The following RASGEF1C variants were observed in gnomAD, a reference collection of about 807,000 sequenced individuals.
The protein encoded by RASGEF1C is RasGEF domain family member 1C, also known as ras-GEF domain-containing family member 1C.
In RASGEF1C, 27 loss-of-function variants were observed where a neutral mutation model predicts 58.1. The observed-to-expected ratio is 0.46, with a 90% CI of 0.34 to 0.64. The LOEUF (loss-of-function observed/expected upper bound fraction) is 0.64, where lower values mean the gene tolerates loss of function less well. Among genes scored for constraint, RASGEF1C ranks in the 30% least tolerant of loss-of-function variants. RASGEF1C has a pLI of 0.01. For missense variants in RASGEF1C, 502 were observed against 605.1 expected (o/e 0.83, Z 1.79); for synonymous variants, 243 against 246.3 (o/e 0.99, Z 0.13).
intron 7 of RASGEF1C, 51 bp downstream of exon 7, chr5:180,121,009 C>T: frequency 1.4e-6 from 2 of 1,403,958 alleles, no homozygotes; most frequent in Non-Finnish European, 2.0e-6. Context: ...CCTCCCAACT[C>T]CGGCCGCCTG....
chr5:180,114,435 G>A lies in RASGEF1C; in HGVS notation c.1179+11C>T, dbSNP rs760354044. ...TGTCTACCTCAGTGGCGGTCCACAC[G>A]GAGGTCCTACCTCAAAGTTGACGTG... On this transcript the variant is annotated intron_variant, in intron 11 of 13. Transcript: ENST00000361132. 1.9e-5 allele frequency: 30 copies of A among 1,610,452 alleles called. No homozygotes were observed. Among genetic ancestry groups the A allele is most frequent in the Admixed American group, 1.0e-4 (6 of 59,860 alleles).
intron 1 of RASGEF1C, among the ~76,000 whole-genome samples, chr5:180,184,409 T>A (rs1224436992): frequency 6.6e-6 from 1 of 151,914 alleles, no homozygotes; most frequent in African/African-American, 2.4e-5. Context: ...ATCTTGTCTC[T>A]ACTAAAAAAA....
chr5:180,138,075 CAGTGAGGACCTG>C lies in RASGEF1C; in HGVS notation c.-6-29_-6-18del, dbSNP rs1766517675. ...CATGTCTGCCTGCAATGGCAAGGAG[CAGTGAGGACCTG>C]AGTGGGGGCACACCTGAGTTGGGTG... On this transcript the variant is annotated intron_variant, in intron 1 of 13. Transcript: ENST00000361132. 1.4e-6 allele frequency: 2 copies of C among 1,431,256 alleles called. No individual in the cohort carries two copies. Among genetic ancestry groups the C allele is most frequent in the African/African-American group, 2.9e-5 (2 of 68,586 alleles). 88.7% of individuals were successfully genotyped at this position (1,431,256 alleles called of 1,614,324 possible). A position where few individuals can be genotyped will look rare whatever the true frequency, so the allele number is the denominator to read the frequency against.
chr5:180,121,556 G>A lies in RASGEF1C; in HGVS notation c.715-407C>T, dbSNP rs183430260. ...TCTCCATCTCCTGACCTCGTGATCC[G>A]CCCACCTCGGCCTCCAAAAGTGCTG... On this transcript the variant is annotated intron_variant, in intron 6 of 13. Transcript: ENST00000361132. Among the ~76,000 whole-genome samples the A allele has an allele frequency of 8.9e-3, 1,355 of 151,730 alleles. 18 individuals are homozygous for A. The highest frequency in any genetic ancestry group is 0.031 in the African/African-American group (1,290 of 41,296).
rs1221799038 is a variant in RASGEF1C, at chr5:180,187,596, C to T, written c.-7+21432G>A. Reference sequence around the variant, plus strand: ...ATGGAAAGATATTCACAAATTTATACACCTGTAAGAGTCTAGTATTCTGAA... The same window carrying T: ...ATGGAAAGATATTCACAAATTTATATACCTGTAAGAGTCTAGTATTCTGAA... On this transcript the variant is annotated intron_variant, in intron 1 of 13. Coordinates refer to ENST00000361132, the MANE Select transcript of RASGEF1C (RefSeq NM_175062.4). 3.9e-5 allele frequency among the ~76,000 whole-genome samples: 6 copies of T among 152,228 alleles called. No homozygotes were observed. In the South Asian group the frequency reaches 1.2e-3, roughly 32 times the overall value.
chr5:180,130,427 C>T (rs902203624), intron 4 of RASGEF1C, among the ~76,000 whole-genome samples: 1 of 152,200 alleles, frequency 6.6e-6, no homozygotes, highest in African/African-American at 2.4e-5. Context: ...CCTTGAGGGG[C>T]ACGGTCAGTC....
At chr5:180,117,811 T>C (rs979730997) in intron 10 of RASGEF1C, among the ~76,000 whole-genome samples, 7 of 151,982 alleles carry the variant, frequency 4.6e-5, no homozygotes, top group African/African-American at 1.7e-4. Context: ...CTGGCCAATA[T>C]GGTGAAACTC....
chr5:180,104,823 A>G (rs1765848488), intron 12 of RASGEF1C, among the ~76,000 whole-genome samples: 1 of 152,182 alleles, frequency 6.6e-6, no homozygotes, highest in Admixed American at 6.5e-5. Context: ...TTTTTAAGGA[A>G]TTAGTTCATT....
intron 11 of RASGEF1C, among the ~76,000 whole-genome samples, chr5:180,113,402 G>A (rs1249926266): frequency 1.8e-5 from 1 of 54,248 alleles, no homozygotes. Context: ...GGAGGGACCG[G>A]GGATGGACGG....
rs959166322 is a variant in RASGEF1C, at chr5:180,101,164, C to T, written c.*337G>A. ...TGGCACATGTCACCAAGCAAGGTCT[C>T]GAGCTTGCAGTGGTCCCACCCTCTG... On this transcript the variant is annotated 3_prime_UTR_variant, in exon 14 of 14. Coordinates refer to ENST00000361132, the MANE Select transcript of RASGEF1C (RefSeq NM_175062.4). 4 of 330,270 alleles carry T rather than the reference C, an allele frequency of 1.2e-5. No homozygotes were observed. Among genetic ancestry groups the T allele is most frequent in the Admixed American group, 4.4e-5 (1 of 22,670 alleles). 20.5% of individuals were successfully genotyped at this position (330,270 alleles called of 1,614,324 possible). A position where few individuals can be genotyped will look rare whatever the true frequency, so the allele number is the denominator to read the frequency against.
intron 1 of RASGEF1C, among the ~76,000 whole-genome samples, chr5:180,169,394 CT>C (rs1767067733): frequency 6.6e-6 from 1 of 152,118 alleles, no homozygotes; most frequent in Non-Finnish European, 1.5e-5. Context: ...CCCCTGGCCC[CT>C]TTGAAGGGGG....
At chr5:180,189,289 CGTAA>C (rs1307543755) in intron 1 of RASGEF1C, among the ~76,000 whole-genome samples, 2 of 152,106 alleles carry the variant, frequency 1.3e-5, no homozygotes, top group African/African-American at 2.4e-5. Flanking sequence ...AAATTAAACA[CGTAA>C]GTAAGTGTCT....
intron 12 of RASGEF1C, among the ~76,000 whole-genome samples, chr5:180,107,129 T>C (rs1008005956): frequency 1.3e-5 from 2 of 152,230 alleles, no homozygotes; most frequent in African/African-American, 4.8e-5. Context: ...TTTTCTTCTT[T>C]TTTTACTTAT....
rs549616057 is a variant in RASGEF1C, at chr5:180,112,739, G to T, written c.1180-1159C>A. On this transcript the variant is annotated intron_variant, in intron 11 of 13. Coordinates refer to ENST00000361132, the MANE Select transcript of RASGEF1C (RefSeq NM_175062.4). ...CTAGCTCACAGCTACGCCGAGACAC[G>T]TGTGCTGGGTGGGCCCTTTTGGAGG... Among the ~76,000 whole-genome samples the T allele has an allele frequency of 2.0e-5, 3 of 152,388 alleles. No individual in the cohort carries two copies. In the East Asian group the frequency reaches 5.8e-4, roughly 29 times the overall value.
rs766435737 is a variant in RASGEF1C, at chr5:180,127,667, A to C, written c.656T>G (p.Ile219Ser). The C allele has an allele frequency of 5.0e-6, 8 of 1,612,896 alleles. No individual in the cohort carries two copies. Among genetic ancestry groups the C allele is most frequent in the Non-Finnish European group, 6.8e-6 (8 of 1,179,632 alleles). The change falls in exon 6 of 14, where the codon ATC (isoleucine) becomes AGC (serine). Residue 219 changes from isoleucine to serine, a missense_variant. Coordinates refer to ENST00000361132, the MANE Select transcript of RASGEF1C (RefSeq NM_175062.4). ...GGCCTGGACAAACTCCTCAGGCCCG[A>C]TGTGCCGCAGCCGCTCCTGCAGGGA... ...THVELERLRH[I>S]GPEEFVQAFV...
rs1397984145 is a variant in RASGEF1C at position 180,101,147 on chromosome 5, G to A, written c.*354C>T. 1 of 287,396 alleles carries A rather than the reference G, an allele frequency of 3.5e-6. No homozygotes were observed. Among genetic ancestry groups the A allele is most frequent in the African/African-American group, 2.2e-5 (1 of 46,332 alleles). 17.8% of individuals were successfully genotyped at this position (287,396 alleles called of 1,614,324 possible). ...GTGGGTGGTGGCCAAAGTGGCACAT[G>A]TCACCAAGCAAGGTCTCGAGCTTGC... is the stretch of plus-strand genomic sequence containing the variant. On this transcript the variant is annotated 3_prime_UTR_variant, in exon 14 of 14. Transcript: ENST00000361132.
chr5:180,148,867 T>A (rs1766699441), intron 1 of RASGEF1C, among the ~76,000 whole-genome samples: 1 of 152,222 alleles, frequency 6.6e-6, no homozygotes, highest in Admixed American at 6.5e-5. Flanking sequence ...CCTGAAGCAC[T>A]TCATTTAGTA....
intron 1 of RASGEF1C, among the ~76,000 whole-genome samples, chr5:180,170,166 G>A (rs960333404): frequency 1.3e-5 from 2 of 152,220 alleles, no homozygotes; most frequent in African/African-American, 2.4e-5. Flanking sequence ...CCTCCTGGCC[G>A]AGTGGATGAG....
rs201735553 is a variant in RASGEF1C, at chr5:180,192,767, T to TG, written c.-7+16260dup. Among the ~76,000 whole-genome samples, 1,080 of 151,134 alleles carry TG rather than the reference T, an allele frequency of 7.1e-3. 15 individuals are homozygous for TG. Among genetic ancestry groups the TG allele is most frequent in the African/African-American group, 0.025 (1,027 of 41,242 alleles). ...TGTTTTTTGTTTTTTTTTTTTGAGA[T>TG]GGAGTCTGGCTCTGTTGCCCAGGCT... On this transcript the variant is annotated intron_variant, in intron 1 of 13. Transcript: ENST00000361132.
Sources: allele counts gnomAD v4.1 joint callset (sites outside exome capture counted in the v4.1 genomes callset), GRCh38; gene constraint gnomAD v4.1.1; transcripts MANE v1.5; gene names NCBI Gene and HGNC (gene_info 2026-07-23, HGNC 2026-07-21).